The following LCLAT1 variants were observed in gnomAD, a reference collection of about 807,000 sequenced individuals.
The protein encoded by LCLAT1 is lysocardiolipin acyltransferase 1.
LCLAT1 carries 11 observed loss-of-function variants against 30.7 expected under a neutral mutation model. The observed-to-expected ratio is 0.36, with a 90% confidence interval of 0.23 to 0.59. LCLAT1 has a LOEUF of 0.59. LCLAT1 is among the 20% of genes least tolerant of loss of function. The probability of loss-of-function intolerance (pLI) is 0.77; values close to 1 mark genes in which losing one functional copy is unlikely to be tolerated. For synonymous variants in LCLAT1, 155 were observed against 151.3 expected (o/e 1.02, Z -0.18); for missense variants, 402 against 458.6 (o/e 0.88, Z 1.13).
chr2:30,546,939 A>G (rs1572606054), intron 3 of LCLAT1, among the ~76,000 whole-genome samples: 2 of 152,246 alleles, frequency 1.3e-5, no homozygotes, highest in Non-Finnish European at 1.5e-5. Context: ...TGATGAATGT[A>G]TTAAGATGAA....
At chr2:30,612,180 T>G (rs1429546873) in intron 5 of LCLAT1, among the ~76,000 whole-genome samples, 3 of 152,198 alleles carry the variant, frequency 2.0e-5, no homozygotes, top group African/African-American at 7.2e-5. Flanking sequence ...TTAATGAAGT[T>G]TCTGTTGTTA....
At chr2:30,486,853 A>T (rs890490521) in intron 1 of LCLAT1, among the ~76,000 whole-genome samples, 2 of 152,176 alleles carry the variant, frequency 1.3e-5, no homozygotes, top group Non-Finnish European at 2.9e-5. Context: ...TGCCCCACCA[A>T]TGTGAGCCTT....
In LCLAT1 at chr2:30,605,867, G is replaced by A. The variant is rs189286177; in HGVS notation, c.629-34250G>A. ...GGGGAGGGAGTGGGGGGATGGTTTC[G>A]GAATGAAACTGTTCCACCTCAGATC... On this transcript the variant is annotated intron_variant, in intron 5 of 5. Transcript: ENST00000379509. 4.9e-5 allele frequency: 19 copies of A among 386,230 alleles called. No individual in the cohort carries two copies. The East Asian group carries it at 8.0e-4, about 16-fold the overall frequency. 23.9% of individuals were successfully genotyped at this position (386,230 alleles called of 1,614,324 possible).
intron 5 of LCLAT1, among the ~76,000 whole-genome samples, chr2:30,600,520 T>G (rs906213185): frequency 1.3e-5 from 2 of 151,450 alleles, no homozygotes; most frequent in Non-Finnish European, 2.9e-5. Flanking sequence ...AAGATCAGAG[T>G]TGAAGTGAAA....
In LCLAT1 at chr2:30,533,197, A is replaced by T. The variant is rs368711551; in HGVS notation, c.247A>T (p.Met83Leu). The T allele has an allele frequency of 1.2e-6, 2 of 1,614,090 alleles. No individual in the cohort carries two copies. The highest frequency in any genetic ancestry group is 1.7e-6 in the Non-Finnish European group (2 of 1,179,918). The change falls in exon 3 of 6, where the codon ATG becomes TTG. Residue 83 changes from methionine to leucine, a missense_variant. Physicochemically the swap from Met to Leu is conservative, Grantham distance 15. Transcript: ENST00000379509. The part of the protein sequence containing the change: ...FVPGERSVII[M>L]NHRTRMDWMF... The stretch of plus-strand genomic sequence containing the variant: ...TCCTGGAGAAAGAAGTGTCATTATC[A>T]TGAACCATCGGACAAGAATGGACTG...
At chr2:30,466,633 T>G (rs1395759748) in intron 1 of LCLAT1, among the ~76,000 whole-genome samples, 2 of 152,216 alleles carry the variant, frequency 1.3e-5, no homozygotes, top group Non-Finnish European at 2.9e-5. Flanking sequence ...TCTGTTGCAC[T>G]GGTTCTAAAC....
At chr2:30,568,887 G>C (rs1007848467) in intron 5 of LCLAT1, among the ~76,000 whole-genome samples, 4 of 99,724 alleles carry the variant, frequency 4.0e-5, no homozygotes, top group Admixed American at 1.0e-4. Flanking sequence ...AAAAAAAAGA[G>C]AAAAAAAATC....
chr2:30,499,356 A>G (rs1052559375), intron 1 of LCLAT1, among the ~76,000 whole-genome samples: 23 of 152,070 alleles, frequency 1.5e-4, no homozygotes, highest in African/African-American at 5.3e-4. Context: ...AATTTTTTGT[A>G]TTTTTAGTAG....
At chr2:30,570,496 A>G (rs1385772495) in intron 5 of LCLAT1, among the ~76,000 whole-genome samples, 3 of 152,194 alleles carry the variant, frequency 2.0e-5, no homozygotes, top group Non-Finnish European at 4.4e-5. Flanking sequence ...ACAACTGTAC[A>G]TGGTAGTTAT....
intron 1 of LCLAT1, among the ~76,000 whole-genome samples, chr2:30,484,932 T>C (rs181699974): frequency 3.2e-4 from 49 of 152,276 alleles, no homozygotes; most frequent in Admixed American, 2.4e-3. Flanking sequence ...TGCTATGGTA[T>C]GGTATGGTAT....
chr2:30,628,388 G>GT (rs1668614169), intron 5 of LCLAT1, among the ~76,000 whole-genome samples: 2 of 152,170 alleles, frequency 1.3e-5, no homozygotes, highest in South Asian at 4.1e-4. Context: ...TGCAGGACAG[G>GT]TTTTTTGGGA....
intron 1 of LCLAT1, among the ~76,000 whole-genome samples, chr2:30,500,702 C>T (rs745655951): frequency 3.9e-5 from 6 of 151,920 alleles, no homozygotes; most frequent in African/African-American, 7.2e-5. Context: ...AGAGGGAAAC[C>T]GATTTAAATA....
intron 5 of LCLAT1, chr2:30,607,439 C>T (rs976312883): frequency 2.0e-5 from 3 of 152,082 alleles, no homozygotes; most frequent in African/African-American, 4.8e-5. Context: ...TGGCAAACCA[C>T]ATATATGATG....
intron 1 of LCLAT1, among the ~76,000 whole-genome samples, chr2:30,467,338 A>G (rs943152617): frequency 6.6e-6 from 1 of 152,170 alleles, no homozygotes; most frequent in Admixed American, 6.5e-5. Context: ...CCAGTTTATC[A>G]TTGATGGACA....
At position 30,483,223 on chromosome 2, in the gene LCLAT1, C is replaced by T. The variant is rs146502150; in HGVS notation, c.-5+35840C>T. On this transcript the variant is annotated intron_variant, in intron 1 of 5. Transcript: ENST00000379509. The stretch of plus-strand genomic sequence containing the variant: ...CTACTCTAGGCCAAGCACAGTGGCT[C>T]ACACCTCTAATCCCAGCACTTCAGG... 6.6e-3 allele frequency among the ~76,000 whole-genome samples: 1,010 copies of T among 152,236 alleles called. 10 individuals are homozygous for T. The highest frequency in any genetic ancestry group is 0.023 in the African/African-American group (957 of 41,552).
Position 30,467,208 on chromosome 2 carries a change from C to A in LCLAT1, c.-5+19825C>A, listed in dbSNP as rs906706888. 2.6e-5 allele frequency among the ~76,000 whole-genome samples: 4 copies of A among 152,204 alleles called. No homozygotes were observed. The East Asian group carries it at 5.8e-4, about 22-fold the overall frequency. ...CGTGGTATTTGGTTTTTTGTCCTTGCAATAGTTTGCTGAGAATGATGGTTT... is the reference window on the plus strand; with the variant it reads ...CGTGGTATTTGGTTTTTTGTCCTTGAAATAGTTTGCTGAGAATGATGGTTT... On this transcript the variant is annotated intron_variant, in intron 1 of 5. Transcript: ENST00000379509.
chr2:30,513,848 C>T (rs1247479043), intron 1 of LCLAT1, among the ~76,000 whole-genome samples: 1 of 152,166 alleles, frequency 6.6e-6, no homozygotes, highest in Non-Finnish European at 1.5e-5. Flanking sequence ...CCCGCCTTTC[C>T]AGATAGAACC....
At chr2:30,631,773 A>G (rs1668781121) in intron 5 of LCLAT1, among the ~76,000 whole-genome samples, 1 of 152,236 alleles carries the variant, frequency 6.6e-6, no homozygotes, top group Non-Finnish European at 1.5e-5. Context: ...TCAGTAAAAT[A>G]TAGACATAGT....
chr2:30,545,723 A>C (rs934926122), intron 3 of LCLAT1, among the ~76,000 whole-genome samples: 2 of 152,168 alleles, frequency 1.3e-5, no homozygotes, highest in African/African-American at 4.8e-5. Context: ...TTTTATGACC[A>C]CTTAACTAGT....
Sources: gnomAD v4.1 joint callset for allele counts (sites outside exome capture counted in the v4.1 genomes callset) on GRCh38, gnomAD v4.1.1 for gene constraint, MANE v1.5 for transcripts, NCBI Gene and HGNC (gene_info 2026-07-23, HGNC 2026-07-21) for gene names.